CHN2: variants seen among roughly 807,000 people sequenced by gnomAD.
CHN2 encodes the protein beta-chimaerin.
CHN2 carries 35 observed loss-of-function variants against 56.3 expected under a neutral mutation model. The observed-to-expected ratio is 0.62, with a 90% CI of 0.47 to 0.82. The LOEUF is 0.82. CHN2 is among the 40% of genes least tolerant of loss of function. CHN2 has a pLI of 0.00. For missense variants in CHN2, 491 were observed against 580.5 expected (o/e 0.85, Z 1.58); for synonymous variants, 210 against 212.8 (o/e 0.99, Z 0.12).
chr7:29,356,733 C>T (rs369168256), intron 2 of CHN2, among the ~76,000 whole-genome samples: 1 of 152,194 alleles, frequency 6.6e-6, no homozygotes, highest in Non-Finnish European at 1.5e-5. Context: ...TCTCTAAGGG[C>T]CCTTCCAATC....
chr7:29,315,647 G>T (rs1472591803), intron 1 of CHN2, among the ~76,000 whole-genome samples: 1 of 152,052 alleles, frequency 6.6e-6, no homozygotes, highest in Admixed American at 6.6e-5. Flanking sequence ...TGCAGTGATG[G>T]GATTTGAGGA....
At chr7:29,509,844 CAAAAAAA>C (rs34925686) in intron 12 of CHN2, among the ~76,000 whole-genome samples, 1 of 134,198 alleles carries the variant, frequency 7.5e-6, no homozygotes, top group African/African-American at 2.8e-5. Context: ...GACTCCATCT[CAAAAAAA>C]AAAAAAAAAG....
At position 29,477,112 on chromosome 7, in the gene CHN2, G is replaced by A. The variant is rs770691847; in HGVS notation, c.577-3167G>A. Among the ~76,000 whole-genome samples, 9 of 152,088 alleles carry A rather than the reference G, an allele frequency of 5.9e-5. No homozygotes were observed. The South Asian group carries it at 6.2e-4, about 11-fold the overall frequency. ...GGGGTTATTTCAGAGAGAAGTTTTC[G>A]CCAAGAGATTACTGTAATCAGTTTT... On this transcript the variant is annotated intron_variant, in intron 6 of 12. Coordinates refer to ENST00000222792, the MANE Select transcript of CHN2 (RefSeq NM_004067.4).
chr7:29,500,257 CA>C (rs1459648333), intron 9 of CHN2, among the ~76,000 whole-genome samples: 1 of 151,978 alleles, frequency 6.6e-6, no homozygotes, highest in Non-Finnish European at 1.5e-5. Context: ...TATATGCATT[CA>C]AAAAATGTTT....
intron 7 of CHN2, among the ~76,000 whole-genome samples, chr7:29,487,422 A>G (rs1295703934): frequency 6.6e-6 from 1 of 152,194 alleles, no homozygotes; most frequent in African/African-American, 2.4e-5. Flanking sequence ...GAGTGCTATG[A>G]AGAGGAGTTG....
intron 2 of CHN2, among the ~76,000 whole-genome samples, chr7:29,354,916 C>T (rs923587686): frequency 3.3e-5 from 5 of 150,448 alleles, no homozygotes; most frequent in Non-Finnish European, 5.9e-5. Flanking sequence ...TTCTGACTCT[C>T]TGCCTTTCAG....
At chr7:29,366,549 T>G (rs1799176412) in intron 2 of CHN2, among the ~76,000 whole-genome samples, 1 of 152,182 alleles carries the variant, frequency 6.6e-6, no homozygotes, top group Admixed American at 6.5e-5. Flanking sequence ...TTTCCATGTA[T>G]TGGTTCATTG....
intron 3 of CHN2, among the ~76,000 whole-genome samples, chr7:29,374,412 ACTTT>A (rs1799862782): frequency 6.6e-6 from 1 of 152,076 alleles, no homozygotes; most frequent in Non-Finnish European, 1.5e-5. Flanking sequence ...AAAACAAAAA[ACTTT>A]CTTTTTTATT....
At chr7:29,148,236 G>A (rs2128685714) in intron 2 of CHN2, among the ~76,000 whole-genome samples, 1 of 152,322 alleles carries the variant, frequency 6.6e-6, no homozygotes, top group African/African-American at 2.4e-5. Context: ...TTGGGTCTAA[G>A]TATAAGGACA....
rs1800104890 is a variant in CHN2, at chr7:29,376,686, G to A, written c.144+8699G>A. ...CAAGATGCTTTTGCCTCCTGGTAAT[G>A]CTTGCTATTTGCTCAGCACTTGTGC... On this transcript the variant is annotated intron_variant, in intron 3 of 12. Coordinates refer to ENST00000222792, the MANE Select transcript of CHN2 (RefSeq NM_004067.4). Among the ~76,000 whole-genome samples the A allele has an allele frequency of 2.0e-5, 3 of 152,162 alleles. No individual in the cohort carries two copies. The South Asian group carries it at 6.2e-4, about 32-fold the overall frequency.
chr7:29,161,171 A>T (rs1170138437), intron 2 of CHN2, among the ~76,000 whole-genome samples: 1 of 152,172 alleles, frequency 6.6e-6, no homozygotes, highest in African/African-American at 2.4e-5. Context: ...GGAAAAACTG[A>T]AATGTTTTCA....
At position 29,153,521 on chromosome 7, in the gene CHN2, G is replaced by A. The variant is rs113255163; in HGVS notation, c.274+6561G>A. On this transcript the variant is annotated intron_variant, in intron 2 of 6. Transcript: ENST00000439384. ...AGACAATGAGGATGAAGACCTTTAT[G>A]GTGATCCAATTCCACTTAATGAACA... Among the ~76,000 whole-genome samples the A allele has an allele frequency of 2.6e-3, 390 of 152,124 alleles. 1 individual carries two copies. Among genetic ancestry groups the A allele is most frequent in the African/African-American group, 8.8e-3 (365 of 41,522 alleles).
intron 1 of CHN2, among the ~76,000 whole-genome samples, chr7:29,275,080 C>T (rs950753700): frequency 2.6e-5 from 4 of 152,314 alleles, no homozygotes; most frequent in African/African-American, 9.6e-5. Context: ...TCTCTGCCCC[C>T]TGTGATCTTG....
chr7:29,248,353 G>T (rs942328294), intron 1 of CHN2, among the ~76,000 whole-genome samples: 2 of 152,176 alleles, frequency 1.3e-5, no homozygotes, highest in African/African-American at 2.4e-5. Flanking sequence ...TTGCCAACCT[G>T]CGACCCTAGT....
intron 1 of CHN2, among the ~76,000 whole-genome samples, chr7:29,238,383 A>G (rs71539595): frequency 6.6e-6 from 1 of 152,086 alleles, no homozygotes; most frequent in African/African-American, 2.4e-5. Context: ...ATTTCATGTC[A>G]TCAGGCAGAC....
chr7:29,239,466 T>C (rs1001656040), intron 1 of CHN2, among the ~76,000 whole-genome samples: 1 of 152,092 alleles, frequency 6.6e-6, no homozygotes, highest in Non-Finnish European at 1.5e-5. Flanking sequence ...GATCTGGAAT[T>C]CAGAAAAGAT....
At chr7:29,283,990 T>C (rs982131377) in intron 1 of CHN2, among the ~76,000 whole-genome samples, 10 of 132,704 alleles carry the variant, frequency 7.5e-5, no homozygotes, top group African/African-American at 2.8e-4. Context: ...CACTGCAACC[T>C]CTGCCTCCCA....
chr7:29,386,340 A>G (rs1265877764), intron 3 of CHN2, among the ~76,000 whole-genome samples: 1 of 152,202 alleles, frequency 6.6e-6, no homozygotes, highest in African/African-American at 2.4e-5. Context: ...CCCCCCATCA[A>G]AAGCCTTTTC....
chr7:29,204,509 A>G (rs908390378), intron 1 of CHN2, among the ~76,000 whole-genome samples: 1 of 152,242 alleles, frequency 6.6e-6, no homozygotes, highest in Non-Finnish European at 1.5e-5. Flanking sequence ...CCAGTAAACC[A>G]TACTTATTTG....
Sources: gnomAD v4.1 joint callset for allele counts (sites outside exome capture counted in the v4.1 genomes callset) on GRCh38, gnomAD v4.1.1 for gene constraint, MANE v1.5 for transcripts, NCBI Gene and HGNC (gene_info 2026-07-23, HGNC 2026-07-21) for gene names.